Variants in P3H2 observed in about 807,000 individuals in gnomAD.
P3H2 encodes the protein leprecan-like 1.
P3H2 carries 80 observed loss-of-function variants against 87.0 expected under a neutral mutation model. The ratio of observed to expected loss-of-function variants is 0.92; its 90% CI spans 0.77 to 1.11. P3H2 has a LOEUF of 1.11. Among genes scored for constraint, P3H2 ranks in the 50% least tolerant of loss-of-function variants. P3H2 has a pLI of 0.00. For synonymous variants in P3H2, 367 were observed against 359.3 expected, an observed-to-expected ratio of 1.02 and a Z score of -0.24; for missense variants, 1,001 against 923.9, an observed-to-expected ratio of 1.08 and a Z score of -1.08.
At chr3:190,013,879 A>T (rs1270155054) in intron 1 of P3H2, among the ~76,000 whole-genome samples, 1 of 152,256 alleles carries the variant, frequency 6.6e-6, no homozygotes, top group African/African-American at 2.4e-5. Context: ...ACTGAGATCA[A>T]GAATTTGGTG....
chr3:190,111,726 CTCTT>C (rs1464245631), intron 1 of P3H2, among the ~76,000 whole-genome samples: 1 of 152,168 alleles, frequency 6.6e-6, no homozygotes, highest in Non-Finnish European at 1.5e-5. Flanking sequence ...TTGAATGTGA[CTCTT>C]TCTTTCTTAT....
chr3:190,111,045 C>T lies in P3H2; in HGVS notation c.480+9207G>A, dbSNP rs1712050964. On this transcript the variant is annotated intron_variant, in intron 1 of 14. Transcript: ENST00000319332. Reference sequence around the variant, plus strand: ...AAATTCTGACGTTTTGGATCTCCCTCTTTCTGGCTCCTATTCTTCTACTTC... The same window carrying T: ...AAATTCTGACGTTTTGGATCTCCCTTTTTCTGGCTCCTATTCTTCTACTTC... Among the ~76,000 whole-genome samples, 3 of 151,966 alleles carry T rather than the reference C, an allele frequency of 2.0e-5. No individual in the cohort carries two copies. In the South Asian group the frequency reaches 6.2e-4, roughly 31 times the overall value.
At chr3:190,020,240 C>G (rs1724894287) in intron 1 of P3H2, among the ~76,000 whole-genome samples, 1 of 133,960 alleles carries the variant, frequency 7.5e-6, no homozygotes, top group South Asian at 2.7e-4. Flanking sequence ...CTGAACAGCA[C>G]TGGATATGAA....
chr3:189,994,741 G>A (rs1723994908), intron 2 of P3H2, among the ~76,000 whole-genome samples: 1 of 148,416 alleles, frequency 6.7e-6, no homozygotes. Context: ...TGTTGAGAAT[G>A]GTGATGTCAA....
chr3:189,973,866 C>T (rs1411796081), intron 10 of P3H2, 43 bp downstream of exon 10: 2 of 1,418,122 alleles, frequency 1.4e-6, no homozygotes, highest in African/African-American at 2.8e-5. Flanking sequence ...AAGCCTTAGG[C>T]TGACACTAAG....
chr3:190,036,703 T>C (rs994782879), intron 1 of P3H2, among the ~76,000 whole-genome samples: 2 of 152,152 alleles, frequency 1.3e-5, no homozygotes, highest in African/African-American at 4.8e-5. Flanking sequence ...TTGACTTCAA[T>C]TATAAGGAAA....
At chr3:190,004,243 A>T (rs1004481565) in intron 1 of P3H2, among the ~76,000 whole-genome samples, 5 of 152,204 alleles carry the variant, frequency 3.3e-5, no homozygotes, top group Admixed American at 6.5e-5. Flanking sequence ...TAAGAGAAAT[A>T]AAAATGGCCA....
chr3:189,963,832 A>T, intron 14 of P3H2, 126 bp downstream of exon 14: 1 of 894,808 alleles, frequency 1.1e-6, no homozygotes, highest in Non-Finnish European at 1.9e-6. Flanking sequence ...ACTTACTAGA[A>T]CATATCTGAT....
At chr3:190,095,025 G>A (rs1727525358) in intron 1 of P3H2, among the ~76,000 whole-genome samples, 2 of 152,070 alleles carry the variant, frequency 1.3e-5, no homozygotes, top group South Asian at 2.1e-4. Flanking sequence ...ATTTCCCAAA[G>A]TAAGTTCCAT....
chr3:190,041,986 C>T (rs533505100), intron 1 of P3H2, among the ~76,000 whole-genome samples: 277 of 152,278 alleles, frequency 1.8e-3, no homozygotes, highest in African/African-American at 6.2e-3. Flanking sequence ...ACATTCCCCA[C>T]GGGGCAATTC....
chr3:190,026,580 G>A (rs576711296), intron 1 of P3H2, among the ~76,000 whole-genome samples: 2 of 152,302 alleles, frequency 1.3e-5, no homozygotes, highest in South Asian at 2.1e-4. Flanking sequence ...GCGGAGGCAG[G>A]AATAATCCAC....
intron 8 of P3H2, among the ~76,000 whole-genome samples, chr3:189,978,978 A>T (rs949962152): frequency 6.6e-6 from 1 of 152,168 alleles, no homozygotes; most frequent in Non-Finnish European, 1.5e-5. Flanking sequence ...TTGCAACAAG[A>T]AGGGATCATC....
At chr3:189,983,235 T>C (rs1056128676) in intron 7 of P3H2, 95 bp from the exon 8 acceptor site, 6 of 907,512 alleles carry the variant, frequency 6.6e-6, no homozygotes, top group African/African-American at 3.3e-5. Flanking sequence ...TGACTCTATA[T>C]TGTGTATTTT....
At chr3:190,059,464 T>C (rs1192110831) in intron 1 of P3H2, among the ~76,000 whole-genome samples, 1 of 152,012 alleles carries the variant, frequency 6.6e-6, no homozygotes, top group Non-Finnish European at 1.5e-5. Context: ...GGGGATCCTT[T>C]TCCTTCCTGG....
At chr3:190,004,413 C>G (rs925479272) in intron 1 of P3H2, among the ~76,000 whole-genome samples, 1 of 152,160 alleles carries the variant, frequency 6.6e-6, no homozygotes, top group African/African-American at 2.4e-5. Flanking sequence ...GACGGAGTCT[C>G]GCTCTGTCGC....
Position 190,115,684 on chromosome 3 carries a change from G to A in P3H2, c.480+4568C>T, listed in dbSNP as rs145556408. 1.4e-4 allele frequency among the ~76,000 whole-genome samples: 22 copies of A among 152,316 alleles called. No individual in the cohort carries two copies. The East Asian group carries it at 4.2e-3, about 29-fold the overall frequency. ...ATAGTGAGAAGTCAGGCAGTCAACA[G>A]TCCTGAAACGTTCTCTTCCAACTGA... is the stretch of plus-strand genomic sequence containing the variant. On this transcript the variant is annotated intron_variant, in intron 1 of 14. Coordinates refer to ENST00000319332, the MANE Select transcript of P3H2 (RefSeq NM_018192.4).
intron 6 of P3H2, among the ~76,000 whole-genome samples, chr3:189,986,477 T>G (rs1723702422): frequency 6.6e-6 from 1 of 152,062 alleles, no homozygotes; most frequent in Non-Finnish European, 1.5e-5. Flanking sequence ...TAATCCCAGC[T>G]ACTCGGGAGG....
intron 1 of P3H2, among the ~76,000 whole-genome samples, chr3:190,064,878 A>G (rs1049530577): frequency 2.0e-5 from 3 of 152,150 alleles, no homozygotes; most frequent in African/African-American, 7.2e-5. Context: ...CTTCTGATAT[A>G]CAACAAAATC....
intron 1 of P3H2, among the ~76,000 whole-genome samples, chr3:190,076,846 T>G (rs1726891148): frequency 6.6e-6 from 1 of 152,320 alleles, no homozygotes; most frequent in East Asian, 1.9e-4. Context: ...TGATTCATTT[T>G]ATCAATAATT....
Sources: allele counts gnomAD v4.1 joint callset (sites outside exome capture counted in the v4.1 genomes callset), GRCh38; gene constraint gnomAD v4.1.1; transcripts MANE v1.5; gene names NCBI Gene and HGNC (gene_info 2026-07-23, HGNC 2026-07-21).